The following CCDC178 variants were observed in gnomAD, a reference collection of about 807,000 sequenced individuals.
CCDC178 encodes coiled-coil domain-containing protein 178.
CCDC178 carries 126 observed loss-of-function variants against 117.4 expected under a neutral mutation model. The ratio of observed to expected loss-of-function variants is 1.07; its 90% CI spans 0.93 to 1.24. The LOEUF is 1.24. Among genes scored for constraint, CCDC178 ranks in the 50% most tolerant of loss-of-function variants. The pLI is 0.00. For synonymous variants in CCDC178, 283 were observed against 313.4 expected, an observed-to-expected ratio of 0.90 and a Z score of 1.02; for missense variants, 1,030 against 986.9, an observed-to-expected ratio of 1.04 and a Z score of -0.59.
intron 20 of CCDC178, among the ~76,000 whole-genome samples, chr18:33,167,848 G>A (rs1315759332): frequency 6.6e-6 from 1 of 151,024 alleles, no homozygotes; most frequent in Non-Finnish European, 1.5e-5. Context: ...GCCTGGGTGA[G>A]AGAGTGAGAC....
chr18:33,351,945 A>C (rs553292489), intron 7 of CCDC178, among the ~76,000 whole-genome samples: 29 of 152,202 alleles, frequency 1.9e-4, no homozygotes, highest in Admixed American at 5.9e-4. Context: ...AGGATGACTT[A>C]GAAATTATTC....
intron 20 of CCDC178, among the ~76,000 whole-genome samples, chr18:33,189,092 G>A (rs1370375598): frequency 6.6e-6 from 1 of 152,116 alleles, no homozygotes; most frequent in Admixed American, 6.6e-5. Context: ...GCAAGTAAGG[G>A]AGACTAGGTT....
chr18:33,069,539 G>A lies in CCDC178; in HGVS notation c.2388+23222C>T, dbSNP rs145498099. Among the ~76,000 whole-genome samples the A allele has an allele frequency of 4.5e-3, 683 of 152,152 alleles. 2 individuals are homozygous for A. The highest frequency in any genetic ancestry group is 8.3e-3 in the Non-Finnish European group (565 of 67,908). ...CAAAAATCATCTCGAGTCAATTTAAGACTTAAATGTATACCTAATCCTATA... is the reference window on the plus strand; with the variant it reads ...CAAAAATCATCTCGAGTCAATTTAAAACTTAAATGTATACCTAATCCTATA... On this transcript the variant is annotated intron_variant, in intron 21 of 22. Coordinates refer to ENST00000383096, the MANE Select transcript of CCDC178 (RefSeq NM_001105528.4).
chr18:33,159,625 C>T (rs1293178773), intron 20 of CCDC178, among the ~76,000 whole-genome samples: 1 of 151,952 alleles, frequency 6.6e-6, no homozygotes. Flanking sequence ...ACATTTTGGG[C>T]CTGCTCAAAT....
At chr18:33,111,471 T>C (rs1041476496) in intron 20 of CCDC178, among the ~76,000 whole-genome samples, 2 of 151,726 alleles carry the variant, frequency 1.3e-5, no homozygotes, top group African/African-American at 2.4e-5. Flanking sequence ...TTGATCCTTT[T>C]CTTCATTTTT....
chr18:33,366,588 G>T (rs1486309058), intron 6 of CCDC178, among the ~76,000 whole-genome samples: 1 of 152,030 alleles, frequency 6.6e-6, no homozygotes, highest in African/African-American at 2.4e-5. Flanking sequence ...TAGCTTTAGT[G>T]AGATAATTTA....
Position 32,974,574 on chromosome 18 carries a change from C to T in CCDC178, c.2496G>A (p.Glu832=). 1 of 1,613,622 alleles carries T rather than the reference C, an allele frequency of 6.2e-7. No homozygotes were observed. The highest frequency in any genetic ancestry group is 8.5e-7 in the Non-Finnish European group (1 of 1,179,744). ...GCACAGCTAATATTTTCTGAATACT[C>T]TCCTGAGAGTCTGTCTGGAAGTTGG... The part of the protein sequence containing the change: ...RLANFQTDSQ[E]SIQKILAVQE... The change falls in exon 22 of 23, where the codon GAG becomes GAA. Residue 832 remains glutamate, a synonymous_variant. Transcript: ENST00000383096.
chr18:33,428,017 A>G (rs1291074338), intron 2 of CCDC178, among the ~76,000 whole-genome samples: 1 of 152,198 alleles, frequency 6.6e-6, no homozygotes, highest in Non-Finnish European at 1.5e-5. Context: ...ATGTAAAATA[A>G]ATTTTGATAA....
At chr18:33,084,805 C>T (rs2057351697) in intron 21 of CCDC178, among the ~76,000 whole-genome samples, 1 of 146,120 alleles carries the variant, frequency 6.8e-6, no homozygotes, top group African/African-American at 2.6e-5. Context: ...TGCGAGGCCC[C>T]GTCTCAAAAA....
chr18:32,956,816 A>G (rs1211660585), intron 22 of CCDC178: 1 of 152,204 alleles, frequency 6.6e-6, no homozygotes, highest in Non-Finnish European at 1.5e-5. Flanking sequence ...GTCATGTGAG[A>G]TGAGTAATTC....
chr18:33,323,547 A>G lies in CCDC178; in HGVS notation c.966T>C (p.Ile322=). 6.4e-7 allele frequency: 1 copy of G among 1,573,014 alleles called. No homozygotes were observed. Among genetic ancestry groups the G allele is most frequent in the Non-Finnish European group, 8.6e-7 (1 of 1,159,356 alleles). ...AAATATCCTTATCAATCTCTTCTTT[A>G]ATTTGCTGAGCCTTCAATCTGGCAT... is the stretch of plus-strand genomic sequence containing the variant. ...CENARLKAQQ[I]KEEIDKDIYQ... is the part of the protein sequence containing the mutation. Residue 322 remains isoleucine, a synonymous_variant, in exon 11 of 23, where the codon ATT becomes ATC. Transcript: ENST00000383096.
At chr18:33,302,910 T>C (rs552684972) in intron 11 of CCDC178, among the ~76,000 whole-genome samples, 1 of 152,240 alleles carries the variant, frequency 6.6e-6, no homozygotes, top group South Asian at 2.1e-4. Flanking sequence ...GATACACAAT[T>C]ACAGCTAGAT....
At chr18:33,007,306 A>G (rs563088761) in intron 21 of CCDC178, among the ~76,000 whole-genome samples, 69 of 152,076 alleles carry the variant, frequency 4.5e-4, no homozygotes, top group South Asian at 1.2e-3. Flanking sequence ...GTTCTATGGT[A>G]AGGCTTTGCA....
At chr18:33,078,204 A>G (rs538358506) in intron 21 of CCDC178, among the ~76,000 whole-genome samples, 20 of 152,346 alleles carry the variant, frequency 1.3e-4, no homozygotes, top group African/African-American at 4.8e-4. Context: ...CTATAGATGC[A>G]GTAAAGGCTC....
intron 3 of CCDC178, among the ~76,000 whole-genome samples, chr18:33,399,202 A>G (rs2063678500): frequency 6.6e-6 from 1 of 152,108 alleles, no homozygotes; most frequent in Non-Finnish European, 1.5e-5. Context: ...TGTCTTAAAA[A>G]AAAAAAAAAA....
At chr18:33,059,794 A>G (rs1325815686) in intron 21 of CCDC178, among the ~76,000 whole-genome samples, 2 of 152,150 alleles carry the variant, frequency 1.3e-5, no homozygotes, top group Non-Finnish European at 2.9e-5. Flanking sequence ...CTTCAAGGGT[A>G]ATTTCTCTAA....
At chr18:32,993,601 T>C (rs1289618564) in intron 21 of CCDC178, among the ~76,000 whole-genome samples, 1 of 152,170 alleles carries the variant, frequency 6.6e-6, no homozygotes, top group East Asian at 1.9e-4. Flanking sequence ...AGCCCCAGTT[T>C]TGGGGCTCAC....
rs1414661253 is a variant in CCDC178, at chr18:33,356,401, GAATA to G, written c.349-59_349-56del. On this transcript the variant is annotated intron_variant, in intron 6 of 22. Coordinates refer to ENST00000383096, the MANE Select transcript of CCDC178 (RefSeq NM_001105528.4). ...CAAATCTTAAACATATTAAAAAACTGAATAAATGTCACTTAAACTTGTCAATTCT... is the reference window on the plus strand; with the variant it reads ...CAAATCTTAAACATATTAAAAAACTGAATGTCACTTAAACTTGTCAATTCT... The G allele has an allele frequency of 4.8e-5, 66 of 1,384,154 alleles. 1 individual carries two copies. In the East Asian group the frequency reaches 8.2e-4, roughly 17 times the overall value. The allele number at this position is 1,384,154 out of a possible 1,614,324, so 85.7% of individuals were successfully genotyped here.
intron 22 of CCDC178, among the ~76,000 whole-genome samples, chr18:32,942,697 T>G (rs1179557525): frequency 6.6e-6 from 1 of 152,218 alleles, no homozygotes; most frequent in Non-Finnish European, 1.5e-5. Flanking sequence ...TTTTATTCTT[T>G]TTTTTTAATC....
Sources: allele counts gnomAD v4.1 joint callset (sites outside exome capture counted in the v4.1 genomes callset), GRCh38; gene constraint gnomAD v4.1.1; transcripts MANE v1.5; gene names NCBI Gene and HGNC (gene_info 2026-07-23, HGNC 2026-07-21).